The following ZFYVE27 variants were observed in gnomAD, a reference collection of about 807,000 sequenced individuals.
The protein encoded by ZFYVE27 is protrudin.
ZFYVE27 carries 36 observed loss-of-function variants against 52.8 expected under a neutral mutation model. The observed-to-expected ratio is 0.68, with a 90% CI of 0.52 to 0.90. The LOEUF is 0.90. Among genes scored for constraint, ZFYVE27 ranks in the 40% least tolerant of loss-of-function variants. ZFYVE27 has a pLI of 0.00. For missense variants in ZFYVE27, 450 were observed against 527.2 expected (o/e 0.85, Z 1.43); for synonymous variants, 223 against 215.6 (o/e 1.03, Z -0.30).
intron 11 of ZFYVE27, 108 bp from the exon 12 acceptor site, chr10:97,757,534 C>A: frequency 7.3e-7 from 1 of 1,375,850 alleles, no homozygotes; most frequent in Non-Finnish European, 1.0e-6. Context: ...GGGCACCCCC[C>A]AGGCCCAGTT....
At position 97,750,323 on chromosome 10, in the gene ZFYVE27, C is replaced by G; in HGVS notation, c.665-8C>G. 1.2e-6 allele frequency: 2 copies of G among 1,613,900 alleles called. No individual in the cohort carries two copies. The highest frequency in any genetic ancestry group is 1.7e-6 in the Non-Finnish European group (2 of 1,179,996). On this transcript the variant is annotated splice_region_variant and splice_polypyrimidine_tract_variant and intron_variant, in intron 6 of 12. Transcript: ENST00000684270. ...TGCCTCCTACCTTGTTCTCCATTCC[C>G]TGGGTAGTTGTGTCTGAGTACAGGG... is the stretch of plus-strand genomic sequence containing the variant.
intron 10 of ZFYVE27, among the ~76,000 whole-genome samples, chr10:97,756,912 C>T (rs187834742): frequency 9.2e-5 from 14 of 152,284 alleles, no homozygotes; most frequent in Admixed American, 2.0e-4. Flanking sequence ...AGGCAGGTGT[C>T]ATTTGGGGAT....
At chr10:97,740,672 GC>G (rs2135939535) in intron 2 of ZFYVE27, among the ~76,000 whole-genome samples, 1 of 152,330 alleles carries the variant, frequency 6.6e-6, no homozygotes, top group South Asian at 2.1e-4. Flanking sequence ...GGACTTAAAA[GC>G]CCCCAGGAGC....
At chr10:97,746,453 C>T (rs1197389792) in intron 4 of ZFYVE27, among the ~76,000 whole-genome samples, 1 of 152,202 alleles carries the variant, frequency 6.6e-6, no homozygotes, top group African/African-American at 2.4e-5. Context: ...GTCTATCTCT[C>T]TACATATACA....
At chr10:97,748,225 A>G (rs1473775934) in intron 4 of ZFYVE27, 44 bp from the exon 5 acceptor site, 16 of 1,590,062 alleles carry the variant, frequency 1.0e-5, no homozygotes, top group Non-Finnish European at 1.4e-5. Context: ...TCCACTTCCC[A>G]GGGCTTCTGT....
In ZFYVE27 at chr10:97,751,481, G is replaced by A. The variant is rs2046985834; in HGVS notation, c.876+19G>A. On this transcript the variant is annotated intron_variant, in intron 8 of 12. Coordinates refer to ENST00000684270, the MANE Select transcript of ZFYVE27 (RefSeq NM_001385875.1). ...GATTGAGGTGGGTGGCCCTTCCCCA[G>A]CATCCTCTACTCAGCAGGCCAGAAA... The A allele has an allele frequency of 6.2e-7, 1 of 1,612,774 alleles. No homozygotes were observed. Among genetic ancestry groups the A allele is most frequent in the Non-Finnish European group, 8.5e-7 (1 of 1,179,048 alleles).
At position 97,748,329 on chromosome 10, in the gene ZFYVE27, C is replaced by T. The variant is rs116366646; in HGVS notation, c.516C>T (p.Arg172=). The change falls in exon 5 of 13, where the codon CGC becomes CGT. Residue 172 remains arginine (R), a synonymous_variant. Transcript: ENST00000684270. ...RLCCTCEAAY[R]VLHWENPVVS... ...GCTGCACATGTGAAGCCGCCTACCG[C>T]GTGCTGCACTGGGAGAACCCCGTCG... is the stretch of plus-strand genomic sequence containing the variant. The T allele has an allele frequency of 1.1e-3, 1,713 of 1,614,156 alleles. 14 individuals are homozygous for T. The African/African-American group carries it at 0.02, about 19-fold the overall frequency.
intron 12 of ZFYVE27, among the ~76,000 whole-genome samples, chr10:97,758,418 G>A (rs1487589696): frequency 6.6e-6 from 1 of 151,630 alleles, no homozygotes; most frequent in Non-Finnish European, 1.5e-5. Context: ...CTGCCTCCTG[G>A]GTTCAAGCAA....
chr10:97,738,732 G>A, intron 2 of ZFYVE27, 58 bp downstream of exon 2: 1 of 1,594,378 alleles, frequency 6.3e-7, no homozygotes, highest in Non-Finnish European at 8.6e-7. Flanking sequence ...CTGCTCTGTA[G>A]TAACTAACAC....
chr10:97,743,298 GT>G, intron 3 of ZFYVE27, 134 bp downstream of exon 3: 2 of 1,067,318 alleles, frequency 1.9e-6, no homozygotes, highest in Non-Finnish European at 2.9e-6. Flanking sequence ...TCTGCTTGGA[GT>G]CAGAAACAGC....
intron 4 of ZFYVE27, 78 bp downstream of exon 4, chr10:97,744,993 C>G (rs1393662429): frequency 7.4e-6 from 11 of 1,487,248 alleles, no homozygotes; most frequent in Non-Finnish European, 9.1e-6. Flanking sequence ...TTTGTGTGCT[C>G]GACATCATAT....
rs114602847 is a variant in ZFYVE27, at chr10:97,754,405, T to C, written c.1042+1223T>C. ...ACAGCTCACTGCATCCTCGACTTCC[T>C]GGGCTCAAGTGATCCTCACAGCTCA... On this transcript the variant is annotated intron_variant, in intron 10 of 12. Coordinates refer to ENST00000684270, the MANE Select transcript of ZFYVE27 (RefSeq NM_001385875.1). Among the ~76,000 whole-genome samples, 981 of 151,700 alleles carry C rather than the reference T, an allele frequency of 6.5e-3. 10 individuals carry two copies. Among genetic ancestry groups the C allele is most frequent in the African/African-American group, 0.023 (948 of 41,346 alleles).
At chr10:97,741,545 A>G (rs977197694) in intron 2 of ZFYVE27, among the ~76,000 whole-genome samples, 1 of 152,184 alleles carries the variant, frequency 6.6e-6, no homozygotes, top group Admixed American at 6.5e-5. Flanking sequence ...GTTCTCACTC[A>G]TAAGTGGGAG....
At chr10:97,748,031 A>G (rs1473620288) in intron 4 of ZFYVE27, among the ~76,000 whole-genome samples, 1 of 152,242 alleles carries the variant, frequency 6.6e-6, no homozygotes, top group African/African-American at 2.4e-5. Flanking sequence ...AGACCAAAGC[A>G]GGAACATTTA....
At chr10:97,741,046 C>A (rs184271305) in intron 2 of ZFYVE27, among the ~76,000 whole-genome samples, 1 of 152,092 alleles carries the variant, frequency 6.6e-6, no homozygotes, top group Non-Finnish European at 1.5e-5. Flanking sequence ...GGTTCTGAGG[C>A]GTAATTAGGG....
Position 97,750,417 on chromosome 10 carries a change from G to A in ZFYVE27, c.751G>A (p.Val251Ile). The change falls in exon 7 of 13, where the codon GTT becomes ATT. Residue 251 changes from valine (V) to isoleucine (I), a missense_variant. Val to Ile is a conservative substitution (Grantham distance 29, BLOSUM62 3). Transcript: ENST00000684270. Reference protein sequence around the residue: ...HAFESPPPPDVGGKDGLMDST... With the variant: ...HAFESPPPPDIGGKDGLMDST... ...CTTTGAGAGTCCTCCACCACCAGAT[G>A]TTGGGGGGAAGGATGGTCTGATGGA... 3.1e-6 allele frequency: 5 copies of A among 1,614,190 alleles called. No individual in the cohort carries two copies. The highest frequency in any genetic ancestry group is 4.2e-6 in the Non-Finnish European group (5 of 1,180,034).
intron 4 of ZFYVE27, among the ~76,000 whole-genome samples, chr10:97,746,029 A>T (rs951405778): frequency 6.7e-5 from 8 of 120,026 alleles, no homozygotes; most frequent in African/African-American, 1.0e-4. Flanking sequence ...ATATATACAC[A>T]TATATATATA....
At chr10:97,751,538 GT>G (rs1193640660) in intron 8 of ZFYVE27, 76 bp downstream of exon 8, 18 of 1,445,354 alleles carry the variant, frequency 1.2e-5, no homozygotes, top group Non-Finnish European at 1.5e-5. Context: ...TTTTGTTTTT[GT>G]TTTTTAATGT....
intron 10 of ZFYVE27, 165 bp from the exon 11 acceptor site, chr10:97,757,100 G>T: frequency 1.2e-6 from 1 of 833,718 alleles, no homozygotes. Flanking sequence ...TTCTTAGTTT[G>T]AGTCCTTCTT....
Sources: gnomAD v4.1 joint callset for allele counts (sites outside exome capture counted in the v4.1 genomes callset) on GRCh38, gnomAD v4.1.1 for gene constraint, MANE v1.5 for transcripts, NCBI Gene and HGNC (gene_info 2026-07-23, HGNC 2026-07-21) for gene names.